Variants in LRRC4C observed in about 807,000 individuals in gnomAD.
The protein encoded by LRRC4C is leucine rich repeat containing 4C, also known as leucine-rich repeat-containing protein 4C.
In LRRC4C, 5 loss-of-function variants were observed where a neutral mutation model predicts 33.6. That is an observed-to-expected ratio of 0.15 (90% confidence interval 0.08 to 0.31). The LOEUF is 0.31. Among genes scored for constraint, LRRC4C ranks in the 10% least tolerant of loss-of-function variants. The pLI, the probability that LRRC4C is intolerant of heterozygous loss-of-function variation, is 1.00. For missense variants in LRRC4C, 560 were observed against 796.7 expected (o/e 0.70, Z 3.58); for synonymous variants, 329 against 302.0 (o/e 1.09, Z -0.93).
intron 3 of LRRC4C, among the ~76,000 whole-genome samples, chr11:40,404,331 G>A (rs1293069254): frequency 6.6e-6 from 1 of 152,120 alleles, no homozygotes; most frequent in South Asian, 2.1e-4. Flanking sequence ...ACACAATAAA[G>A]AGCTAAATAA....
chr11:41,104,197 T>C (rs780803113), intron 1 of LRRC4C, among the ~76,000 whole-genome samples: 1 of 151,798 alleles, frequency 6.6e-6, no homozygotes, highest in Non-Finnish European at 1.5e-5. Context: ...ATATACAAAC[T>C]TATATCCAAT....
intron 1 of LRRC4C, among the ~76,000 whole-genome samples, chr11:41,117,947 C>T (rs1428211463): frequency 6.6e-6 from 1 of 152,102 alleles, no homozygotes; most frequent in Admixed American, 6.6e-5. Flanking sequence ...AACAGCTAAA[C>T]TCTTCTGTGG....
chr11:40,833,809 G>C (rs1459276875), intron 2 of LRRC4C, among the ~76,000 whole-genome samples: 1 of 152,076 alleles, frequency 6.6e-6, no homozygotes, highest in Non-Finnish European at 1.5e-5. Flanking sequence ...GATAAGTGTT[G>C]TGCATAAATG....
intron 1 of LRRC4C, among the ~76,000 whole-genome samples, chr11:41,431,399 A>G (rs1455828464): frequency 6.6e-6 from 1 of 151,844 alleles, no homozygotes; most frequent in Non-Finnish European, 1.5e-5. Flanking sequence ...TTCCTTAGGA[A>G]GGAAGGAAGG....
intron 4 of LRRC4C, among the ~76,000 whole-genome samples, chr11:40,255,853 A>G (rs1271890048): frequency 6.6e-6 from 1 of 152,238 alleles, no homozygotes; most frequent in African/African-American, 2.4e-5. Context: ...CTGGGAGACA[A>G]CTAAGTCTTT....
chr11:40,231,567 A>C (rs1239904909), intron 5 of LRRC4C, among the ~76,000 whole-genome samples: 1 of 152,200 alleles, frequency 6.6e-6, no homozygotes, highest in Admixed American at 6.5e-5. Context: ...AAATCACTTT[A>C]AATTATCTCA....
intron 2 of LRRC4C, among the ~76,000 whole-genome samples, chr11:40,663,996 A>C (rs1243914527): frequency 6.6e-6 from 1 of 152,244 alleles, no homozygotes; most frequent in Non-Finnish European, 1.5e-5. Flanking sequence ...AAGGTTGTAC[A>C]GAAGTCCCGC....
chr11:40,262,334 C>G (rs1231221919), intron 4 of LRRC4C, among the ~76,000 whole-genome samples: 2 of 152,142 alleles, frequency 1.3e-5, no homozygotes, highest in African/African-American at 4.8e-5. Context: ...CGGGAAACAA[C>G]AGATGCTGGA....
intron 3 of LRRC4C, among the ~76,000 whole-genome samples, chr11:40,417,151 TC>T (rs1277310555): frequency 2.0e-5 from 3 of 152,284 alleles, no homozygotes; most frequent in African/African-American, 7.2e-5. Flanking sequence ...TCCAGTCACT[TC>T]CCTTCAGTAC....
chr11:40,534,426 A>G (rs1956392761), intron 3 of LRRC4C, among the ~76,000 whole-genome samples: 1 of 152,164 alleles, frequency 6.6e-6, no homozygotes, highest in African/African-American at 2.4e-5. Flanking sequence ...CATTTAAGTG[A>G]AAGTATAGAG....
At chr11:40,679,598 G>A (rs1046280080) in intron 2 of LRRC4C, among the ~76,000 whole-genome samples, 2 of 152,144 alleles carry the variant, frequency 1.3e-5, no homozygotes, top group African/African-American at 4.8e-5. Flanking sequence ...CTGATGAAAG[G>A]GGCCAAGGTA....
rs572263397 is a variant in LRRC4C at position 40,919,534 on chromosome 11, C to T, written c.-407+14101G>A. Reference sequence around the variant, plus strand: ...CTCTCAGCTATTCTTTCTAACCCATCATTTGGCTTATCTTCTTCCAGCGTA... The same window carrying T: ...CTCTCAGCTATTCTTTCTAACCCATTATTTGGCTTATCTTCTTCCAGCGTA... On this transcript the variant is annotated intron_variant, in intron 2 of 6. Coordinates refer to ENST00000528697, the MANE Select transcript of LRRC4C (RefSeq NM_001258419.2). 3.9e-5 allele frequency among the ~76,000 whole-genome samples: 6 copies of T among 152,224 alleles called. No homozygotes were observed. In the East Asian group the frequency reaches 9.7e-4, roughly 25 times the overall value.
chr11:41,356,786 C>T (rs1468138820), intron 1 of LRRC4C, among the ~76,000 whole-genome samples: 5 of 152,072 alleles, frequency 3.3e-5, no homozygotes, highest in African/African-American at 7.2e-5. Flanking sequence ...GAACTTTCTA[C>T]AATTTAGCCA....
intron 1 of LRRC4C, among the ~76,000 whole-genome samples, chr11:41,204,999 AG>A (rs1329925647): frequency 3.9e-5 from 6 of 152,224 alleles, no homozygotes; most frequent in African/African-American, 1.4e-4. Context: ...AAAGACTTAC[AG>A]TCTAAAAAGG....
At chr11:41,028,570 GACAC>G (rs57827895) in intron 1 of LRRC4C, among the ~76,000 whole-genome samples, 27,787 of 147,182 alleles carry the variant, frequency 0.19, 2,941 homozygotes, top group East Asian at 0.39. Context: ...TAGTATTCAC[GACAC>G]ACACACACAC....
rs147653413 is a variant in LRRC4C, at chr11:41,169,113, T to C, written c.-495-235390A>G. ...AAAACCAGATTGTCTTTGAAGTTCT[T>C]AAACCTTCCTCAAAAGGGTTTCAAG... On this transcript the variant is annotated intron_variant, in intron 1 of 6. Transcript: ENST00000528697. Among the ~76,000 whole-genome samples the C allele has an allele frequency of 4.9e-3, 742 of 152,326 alleles. 2 individuals carry two copies. Among genetic ancestry groups the C allele is most frequent in the Non-Finnish European group, 8.5e-3 (577 of 68,014 alleles).
chr11:40,137,808 G>T (rs531350203), intron 6 of LRRC4C, among the ~76,000 whole-genome samples: 69 of 152,100 alleles, frequency 4.5e-4, no homozygotes, highest in Middle Eastern at 6.8e-3. Context: ...GGATAACTTG[G>T]GATAGTTTAT....
At chr11:40,539,703 T>C (rs1220773939) in intron 3 of LRRC4C, among the ~76,000 whole-genome samples, 2 of 152,270 alleles carry the variant, frequency 1.3e-5, no homozygotes, top group African/African-American at 4.8e-5. Context: ...AGTCCTTTCA[T>C]TGGTTTGTAA....
chr11:41,183,755 G>A (rs1443304169), intron 1 of LRRC4C, among the ~76,000 whole-genome samples: 2 of 152,170 alleles, frequency 1.3e-5, no homozygotes, highest in Non-Finnish European at 1.5e-5. Context: ...AACTCTGTGT[G>A]GGGGCTCTGA....
Sources: allele counts gnomAD v4.1 joint callset (sites outside exome capture counted in the v4.1 genomes callset), GRCh38; gene constraint gnomAD v4.1.1; transcripts MANE v1.5; gene names NCBI Gene and HGNC (gene_info 2026-07-23, HGNC 2026-07-21).